The following LARGE1 variants were observed in gnomAD, a reference collection of about 807,000 sequenced individuals.
The protein encoded by LARGE1 is xylosyl- and glucuronyltransferase LARGE1.
Under a neutral mutation model 87.6 loss-of-function variants are expected in LARGE1, and 43 were observed. The ratio of observed to expected loss-of-function variants is 0.49; its 90% CI spans 0.38 to 0.63. The LOEUF (loss-of-function observed/expected upper bound fraction) is 0.63. LARGE1 is among the 30% of genes least tolerant of loss of function. The pLI is 0.00. For missense variants in LARGE1, 802 were observed against 1,000.2 expected (o/e 0.80, Z 2.67); for synonymous variants, 434 against 394.6 (o/e 1.10, Z -1.18).
chr22:33,188,211 A>G (rs1923589900), intron 11 of LARGE1, among the ~76,000 whole-genome samples: 1 of 152,100 alleles, frequency 6.6e-6, no homozygotes, highest in South Asian at 2.1e-4. Context: ...CACCCATCCT[A>G]TGGTATTTTG....
chr22:33,387,555 A>G (rs2065373854), intron 7 of LARGE1, among the ~76,000 whole-genome samples: 1 of 151,986 alleles, frequency 6.6e-6, no homozygotes, highest in African/African-American at 2.4e-5. Context: ...AACTAGAAAC[A>G]ATGATGAAAT....
At chr22:33,091,223 A>C in the LARGE1 span, among the ~76,000 whole-genome samples, 2 of 152,108 alleles carry the variant, frequency 1.3e-5, no homozygotes, top group Admixed American at 6.6e-5. Flanking sequence ...TGATGCCTAG[A>C]AGGGAAGCCA....
chr22:33,464,901 ACACACATACACATG>A (rs1488554674), intron 6 of LARGE1, among the ~76,000 whole-genome samples: 1 of 145,828 alleles, frequency 6.9e-6, no homozygotes, highest in Non-Finnish European at 1.5e-5. Context: ...ATACACACAC[ACACACATACACATG>A]CACACATACA....
chr22:33,305,435 TATAAAG>T (rs917277909), intron 11 of LARGE1: 6 of 200,874 alleles, frequency 3.0e-5, no homozygotes, highest in Middle Eastern at 2.5e-3. Flanking sequence ...AAGATAAATC[TATAAAG>T]ATATTTTCTT....
the LARGE1 span, among the ~76,000 whole-genome samples, chr22:33,123,542 C>T: frequency 6.6e-6 from 1 of 152,102 alleles, no homozygotes; most frequent in Non-Finnish European, 1.5e-5. Context: ...ATTTTCCTTT[C>T]AAATTTTCAC....
chr22:33,366,439 G>A (rs531312277), intron 9 of LARGE1, among the ~76,000 whole-genome samples: 1 of 152,310 alleles, frequency 6.6e-6, no homozygotes, highest in African/African-American at 2.4e-5. Flanking sequence ...CTGTTTATAT[G>A]ATTATTTGGT....
chr22:33,232,757 C>A (rs994303333), intron 11 of LARGE1, among the ~76,000 whole-genome samples: 1 of 152,106 alleles, frequency 6.6e-6, no homozygotes, highest in African/African-American at 2.4e-5. Flanking sequence ...ATAAATGAGG[C>A]CTATTCTCAA....
At chr22:33,195,152 C>A in intron 11 of LARGE1, among the ~76,000 whole-genome samples, 1 of 152,226 alleles carries the variant, frequency 6.6e-6, no homozygotes, top group African/African-American at 2.4e-5. Flanking sequence ...AAATTGGTTA[C>A]TTTTAGTATA....
At chr22:33,205,483 CAAAT>C (rs1267567397) in intron 11 of LARGE1, among the ~76,000 whole-genome samples, 2 of 152,204 alleles carry the variant, frequency 1.3e-5, no homozygotes, top group Non-Finnish European at 2.9e-5. Context: ...AGCACATAAA[CAAAT>C]AAATAAAAAG....
At chr22:33,226,031 T>G (rs1925716601) in intron 11 of LARGE1, among the ~76,000 whole-genome samples, 1 of 152,248 alleles carries the variant, frequency 6.6e-6, no homozygotes. Flanking sequence ...TTTGCATGCA[T>G]GAGTCTTTAT....
chr22:33,684,747 C>T (rs2081895260), intron 2 of LARGE1, among the ~76,000 whole-genome samples: 1 of 152,088 alleles, frequency 6.6e-6, no homozygotes, highest in South Asian at 2.1e-4. Flanking sequence ...GGGATGCCAC[C>T]CAACCCCATG....
At chr22:33,390,881 G>C (rs985574767) in intron 7 of LARGE1, among the ~76,000 whole-genome samples, 3 of 152,072 alleles carry the variant, frequency 2.0e-5, no homozygotes, top group Non-Finnish European at 4.4e-5. Flanking sequence ...ATTTTTAAGA[G>C]AGAAGGGGTT....
chr22:33,639,454 G>C (rs1189243358), intron 3 of LARGE1, among the ~76,000 whole-genome samples: 1 of 152,190 alleles, frequency 6.6e-6, no homozygotes, highest in African/African-American at 2.4e-5. Flanking sequence ...TACCAGTGGA[G>C]AAGTTGAATA....
chr22:33,305,317 G>A (rs756682613), intron 11 of LARGE1, among the ~76,000 whole-genome samples: 2 of 148,718 alleles, frequency 1.3e-5, no homozygotes, highest in Non-Finnish European at 3.0e-5. Flanking sequence ...CAGAGATGCT[G>A]AGCCAGGGAG....
upstream of LARGE1, among the ~76,000 whole-genome samples, chr22:33,920,840 C>T (rs2065927264): frequency 6.9e-6 from 1 of 145,096 alleles, no homozygotes; most frequent in Admixed American, 6.8e-5. Context: ...CCGCGGGCAG[C>T]CGGGCGCCGC....
At chr22:33,392,441 C>T (rs890418885) in intron 7 of LARGE1, among the ~76,000 whole-genome samples, 1 of 152,082 alleles carries the variant, frequency 6.6e-6, no homozygotes, top group Non-Finnish European at 1.5e-5. Context: ...GGTGGATCAC[C>T]TGAGGTCAGG....
chr22:33,754,182 G>A (rs555669996), intron 2 of LARGE1, among the ~76,000 whole-genome samples: 8 of 152,256 alleles, frequency 5.3e-5, no homozygotes, highest in African/African-American at 1.9e-4. Flanking sequence ...ACAGTCCCAA[G>A]GTAAGAACTA....
At chr22:33,322,301 C>G (rs1055021881) in intron 10 of LARGE1, among the ~76,000 whole-genome samples, 1 of 152,172 alleles carries the variant, frequency 6.6e-6, no homozygotes, top group Non-Finnish European at 1.5e-5. Context: ...GGTTCTATAT[C>G]CAATGTTAAC....
intron 7 of LARGE1, among the ~76,000 whole-genome samples, chr22:33,394,702 C>CGTGTGTGTGTGTGT (rs59338001): frequency 5.8e-4 from 82 of 142,368 alleles, no homozygotes; most frequent in East Asian, 3.6e-3. Context: ...CTCCTGGGAG[C>CGTGTGTGTGTGTGT]GTGTGTGTGT....
Sources: gnomAD v4.1 joint callset for allele counts (sites outside exome capture counted in the v4.1 genomes callset) on GRCh38, gnomAD v4.1.1 for gene constraint, MANE v1.5 for transcripts, NCBI Gene and HGNC (gene_info 2026-07-23, HGNC 2026-07-21) for gene names.